The following FBLN7 variants were observed in gnomAD, a reference collection of about 807,000 sequenced individuals.
The protein encoded by FBLN7 is fibulin 7.
In FBLN7, 31 loss-of-function variants were observed where a neutral mutation model predicts 44.0. The ratio of observed to expected loss-of-function variants is 0.70; its 90% CI spans 0.53 to 0.95. The LOEUF (loss-of-function observed/expected upper bound fraction) is 0.95. Among genes scored for constraint, FBLN7 ranks in the 40% least tolerant of loss-of-function variants. The pLI is 0.00. For synonymous variants in FBLN7, 262 were observed against 253.4 expected (o/e 1.03, Z -0.32); for missense variants, 573 against 618.5 (o/e 0.93, Z 0.78).
chr2:112,141,401 C>G (rs1406387871), intron 1 of FBLN7, among the ~76,000 whole-genome samples: 1 of 152,212 alleles, frequency 6.6e-6, no homozygotes, highest in Non-Finnish European at 1.5e-5. Flanking sequence ...CTGGGCCAGG[C>G]AGGCATGCCC....
rs1481100810 is a variant in FBLN7, at chr2:112,187,156, C to A, written c.970C>A (p.Pro324Thr). 1 of 1,614,062 alleles carries A rather than the reference C, an allele frequency of 6.2e-7. No homozygotes were observed. The highest frequency in any genetic ancestry group is 8.5e-7 in the Non-Finnish European group (1 of 1,180,020). Residue 324 changes from proline (P) to threonine (T), a missense_variant, in exon 8 of 8, where the codon CCC (proline) becomes ACC (threonine). By Grantham distance (38) the Pro-to-Thr change is conservative. Transcript: ENST00000331203. This position sits in a 1 kb window ranked among gnomAD's most constrained non-coding sequence, Gnocchi z 5.1. ...CAGCCAGTGTGAGCGGAACCCCTGC[C>A]CCATGGACAGCAGGCCCTGCCGCCA... The part of the protein sequence containing the change: ...SPFQCERNPC[P>T]MDSRPCRHLP...
At chr2:112,195,886 G>A in the FBLN7 span, among the ~76,000 whole-genome samples, 1 of 152,192 alleles carries the variant, frequency 6.6e-6, no homozygotes, top group Non-Finnish European at 1.5e-5. Flanking sequence ...AGCAAATTTG[G>A]CCTAATACTT....
At chr2:112,234,366 A>G in the FBLN7 span, 1 of 645,072 alleles carries the variant, frequency 1.6e-6, no homozygotes, top group Non-Finnish European at 2.6e-6. Flanking sequence ...CTTCATATGT[A>G]AAATTTGGAT....
chr2:112,198,585 C>T, the FBLN7 span, among the ~76,000 whole-genome samples: 2 of 151,300 alleles, frequency 1.3e-5, no homozygotes, highest in Non-Finnish European at 2.9e-5. Context: ...TGCAGTGAGC[C>T]GAGATTGCAG....
the FBLN7 span, among the ~76,000 whole-genome samples, chr2:112,242,345 C>T: frequency 6.6e-6 from 1 of 152,158 alleles, no homozygotes; most frequent in African/African-American, 2.4e-5. Context: ...TCCATAAATA[C>T]AATTTTATTG....
the FBLN7 span, among the ~76,000 whole-genome samples, chr2:112,197,059 A>G: frequency 0.019 from 2,901 of 152,168 alleles, 96 homozygotes; most frequent in African/African-American, 0.066. Context: ...CCCATGACAC[A>G]TGGGAATTGT....
rs184740840 is a variant in FBLN7 at position 112,160,687 on chromosome 2, C to T, written c.235+852C>T. Among the ~76,000 whole-genome samples, 898 of 129,360 alleles carry T rather than the reference C, an allele frequency of 6.9e-3. 4 individuals are homozygous for T. Among genetic ancestry groups the T allele is most frequent in the Non-Finnish European group, 0.011 (662 of 60,094 alleles). 84.9% of individuals were successfully genotyped at this position (129,360 alleles called of 152,430 possible). A position where few individuals can be genotyped will look rare whatever the true frequency, so the allele number is the denominator to read the frequency against. On this transcript the variant is annotated intron_variant, in intron 2 of 7. Transcript: ENST00000331203. ...ACGCACACGCACACGCAGACGCACGCACACGCACACACGCACGCACACACA... is the reference window on the plus strand; with the variant it reads ...ACGCACACGCACACGCAGACGCACGTACACGCACACACGCACGCACACACA...
At chr2:112,223,686 C>T in the FBLN7 span, among the ~76,000 whole-genome samples, 49 of 152,062 alleles carry the variant, frequency 3.2e-4, 1 homozygote, top group South Asian at 4.8e-3. Context: ...TAAGCCCAAA[C>T]AATGTAAAAT....
At chr2:112,166,767 G>A (rs1385789851) in intron 3 of FBLN7, among the ~76,000 whole-genome samples, 1 of 152,146 alleles carries the variant, frequency 6.6e-6, no homozygotes, top group African/African-American at 2.4e-5. Flanking sequence ...TACAGACCCT[G>A]GTTGGTTTCC....
the FBLN7 span, among the ~76,000 whole-genome samples, chr2:112,202,909 T>C: frequency 6.6e-6 from 1 of 152,216 alleles, no homozygotes; most frequent in African/African-American, 2.4e-5. Flanking sequence ...TTCTCAGGGC[T>C]TAGACTCAAG....
At chr2:112,166,121 G>A (rs1417576970) in intron 3 of FBLN7, among the ~76,000 whole-genome samples, 3 of 152,218 alleles carry the variant, frequency 2.0e-5, no homozygotes, top group African/African-American at 7.2e-5. Flanking sequence ...CATAATCTCA[G>A]CTCACTGCAA....
At chr2:112,207,876 A>G in the FBLN7 span, among the ~76,000 whole-genome samples, 5 of 151,968 alleles carry the variant, frequency 3.3e-5, no homozygotes, top group Non-Finnish European at 7.4e-5. Context: ...CCATCCTTTT[A>G]CTTTTCACCA....
chr2:112,206,004 G>A, the FBLN7 span, among the ~76,000 whole-genome samples: 4 of 152,008 alleles, frequency 2.6e-5, no homozygotes, highest in Non-Finnish European at 4.4e-5. Flanking sequence ...TCTGAACCTG[G>A]AGATTTCTTA....
chr2:112,198,630 TC>T, the FBLN7 span, among the ~76,000 whole-genome samples: 1 of 123,732 alleles, frequency 8.1e-6, no homozygotes, highest in Non-Finnish European at 1.7e-5. Flanking sequence ...AGTGAGATTG[TC>T]TCAAAAAAAA....
chr2:112,234,300 G>A, the FBLN7 span: 12 of 1,290,664 alleles, frequency 9.3e-6, no homozygotes, highest in Non-Finnish European at 1.3e-5. Flanking sequence ...TTATTCTGTT[G>A]CACAAAATTA....
chr2:112,166,406 T>C (rs4849048), intron 3 of FBLN7, among the ~76,000 whole-genome samples: 71,851 of 151,946 alleles, frequency 0.47, 17,263 homozygotes, highest in Middle Eastern at 0.66. Flanking sequence ...CTCCAGAAAG[T>C]ATGCCATCCC....
the FBLN7 span, among the ~76,000 whole-genome samples, chr2:112,200,137 A>G: frequency 1.3e-5 from 2 of 152,212 alleles, no homozygotes; most frequent in South Asian, 4.1e-4. Flanking sequence ...GTGGTCTTTG[A>G]CTGAGAGACA....
the FBLN7 span, among the ~76,000 whole-genome samples, chr2:112,226,063 C>T: frequency 1.3e-5 from 2 of 151,298 alleles, no homozygotes; most frequent in African/African-American, 4.9e-5. Flanking sequence ...GCCTAGGCAA[C>T]AGAGCAAGAC....
At chr2:112,157,929 C>T (rs1385953066) in intron 1 of FBLN7, among the ~76,000 whole-genome samples, 4 of 141,872 alleles carry the variant, frequency 2.8e-5, no homozygotes, top group African/African-American at 5.3e-5. Flanking sequence ...GACGGAGTCT[C>T]GCTGTCGCCC....
Sources: gnomAD v4.1 joint callset for allele counts (sites outside exome capture counted in the v4.1 genomes callset) on GRCh38, gnomAD v4.1.1 for gene constraint, Gnocchi (gnomAD v3.1) non-coding constraint, MANE v1.5 for transcripts, NCBI Gene and HGNC (gene_info 2026-07-23, HGNC 2026-07-21) for gene names.